The following QRICH2 variants were observed in gnomAD, a reference collection of about 807,000 sequenced individuals.
QRICH2 encodes the protein glutamine-rich protein 2.
A neutral mutation model predicts 168.3 loss-of-function variants in QRICH2; 119 were observed. The observed-to-expected ratio is 0.71, with a 90% CI of 0.61 to 0.82. The LOEUF (loss-of-function observed/expected upper bound fraction) is 0.82, where lower values mean the gene tolerates loss of function less well. Ranked by LOEUF, QRICH2 falls within the 40% of genes least tolerant of loss-of-function variation. The probability of loss-of-function intolerance (pLI) is 0.00; values close to 1 mark genes in which losing one functional copy is unlikely to be tolerated. For missense variants in QRICH2, 2,241 were observed against 2,491.6 expected (o/e 0.90, Z 2.14); for synonymous variants, 894 against 951.2 (o/e 0.94, Z 1.11).
rs1404981162 is a variant in QRICH2 at position 76,279,250 on chromosome 17, C to T, written c.4815-108G>A. On this transcript the variant is annotated intron_variant, in intron 13 of 18. Coordinates refer to ENST00000680821, the MANE Select transcript of QRICH2 (RefSeq NM_001388453.1). ...CACCCGCCCCCGGCCTGGAAGGGAG[C>T]GAGGGCTGGAAGCAGACACATGAAA... The T allele has an allele frequency of 2.1e-5, 28 of 1,329,452 alleles. No individual in the cohort carries two copies. In the Admixed American group the frequency reaches 2.9e-4, roughly 14 times the overall value. The allele number at this position is 1,329,452 out of a possible 1,614,324, so 82.4% of individuals were successfully genotyped here.
At chr17:76,285,317 A>G (rs2070862912) in intron 7 of QRICH2, among the ~76,000 whole-genome samples, 1 of 151,856 alleles carries the variant, frequency 6.6e-6, no homozygotes, top group Non-Finnish European at 1.5e-5. Flanking sequence ...TTTTTTTAGT[A>G]GAGACGGGGT....
intron 18 of QRICH2, among the ~76,000 whole-genome samples, chr17:76,274,885 A>C (rs2070645847): frequency 6.6e-6 from 1 of 152,196 alleles, no homozygotes; most frequent in Non-Finnish European, 1.5e-5. Context: ...CCTACCTCTA[A>C]GTGCTGGTAC....
At chr17:76,282,277 T>C (rs1002176225) in intron 7 of QRICH2, among the ~76,000 whole-genome samples, 162 bp from the exon 8 acceptor site, 1 of 152,242 alleles carries the variant, frequency 6.6e-6, no homozygotes, top group Non-Finnish European at 1.5e-5. Flanking sequence ...CATGGGCATC[T>C]ATCCAGTAAA....
chr17:76,285,125 C>CTGT (rs112068809), intron 7 of QRICH2, among the ~76,000 whole-genome samples: 16,293 of 147,732 alleles, frequency 0.11, 1,208 homozygotes, highest in African/African-American at 0.19. Flanking sequence ...CAGCTATTTT[C>CTGT]TGTTGTTGTT....
chr17:76,303,836 G>T (rs972929853), intron 3 of QRICH2, among the ~76,000 whole-genome samples: 2 of 133,442 alleles, frequency 1.5e-5, no homozygotes, highest in African/African-American at 5.9e-5. Context: ...TCGCGCCACT[G>T]CACTCCAGCC....
chr17:76,293,379 TG>T lies in QRICH2; in HGVS notation c.1347del (p.Arg450GlufsTer26). 6.2e-7 allele frequency: 1 copy of T among 1,614,248 alleles called. No homozygotes were observed. Among genetic ancestry groups the T allele is most frequent in the Non-Finnish European group, 8.5e-7 (1 of 1,180,050 alleles). The stretch of plus-strand genomic sequence containing the variant: ...GGTAGTTCCAATCCTTGCTGGTCTC[TG>T]CCAGGTACTGATGGTGGCAACATAC... ...EQRMLPPSVP[G>X]RDQQGLELPS... On this transcript the variant is annotated frameshift_variant, in exon 4 of 19. Transcript: ENST00000680821. LOFTEE classifies it high-confidence loss of function.
At position 76,281,863 on chromosome 17, in the gene QRICH2, C is replaced by T; in HGVS notation, c.4263+1G>A. On this transcript the variant is annotated splice_donor_variant, in intron 8 of 18. Coordinates refer to ENST00000680821, the MANE Select transcript of QRICH2 (RefSeq NM_001388453.1). LOFTEE classifies it high-confidence loss of function. The surrounding 1 kb of genome is among the most constrained non-coding windows in gnomAD (Gnocchi z 4.4). ...CAGGAGGGAGGCGAGCAGAGCCCCA[C>T]CTGTCTCTGGAGCTTGGCCTTCTTG... The T allele has an allele frequency of 6.2e-7, 1 of 1,612,474 alleles. No individual in the cohort carries two copies. The highest frequency in any genetic ancestry group is 8.5e-7 in the Non-Finnish European group (1 of 1,179,174).
chr17:76,278,064 C>T lies in QRICH2; in HGVS notation c.5042G>A (p.Gly1681Asp), dbSNP rs200636552. ...TATCTGGCTGCTGGCCTTGGTGGAG[C>T]CCCCGAAGTGGATCTGCACCTTCTC... is the stretch of plus-strand genomic sequence containing the variant. ...NIEKVQIHFG[G>D]STKASSQIIR... Residue 1681 changes from glycine (G) to aspartate (D), a missense_variant, in exon 15 of 19, where the codon GGC becomes GAC. Gly to Asp is a moderately conservative substitution (Grantham distance 94, BLOSUM62 -1). Transcript: ENST00000680821. 2.3e-5 allele frequency: 37 copies of T among 1,613,758 alleles called. No individual in the cohort carries two copies. In the African/African-American group the frequency reaches 4.4e-4, roughly 19 times the overall value.
Position 76,280,957 on chromosome 17 carries a change from C to T in QRICH2, c.4264-4G>A, listed in dbSNP as rs779282065. The stretch of plus-strand genomic sequence containing the variant: ...CACGGCCCAGCAGCTCCTCGTCCTG[C>T]GGCAGGAGGGATGGGAAGGCTCTCG... On this transcript the variant is annotated splice_region_variant and splice_polypyrimidine_tract_variant and intron_variant, in intron 8 of 18. Coordinates refer to ENST00000680821, the MANE Select transcript of QRICH2 (RefSeq NM_001388453.1). This position sits in a 1 kb window ranked among gnomAD's most constrained non-coding sequence, Gnocchi z 7.4. 10 of 1,607,794 alleles carry T rather than the reference C, an allele frequency of 6.2e-6. No individual in the cohort carries two copies. The highest frequency in any genetic ancestry group is 2.7e-5 in the African/African-American group (2 of 74,880).
At chr17:76,287,498 G>C (rs562572646) in intron 6 of QRICH2, among the ~76,000 whole-genome samples, 192 bp from the exon 7 acceptor site, 1 of 152,258 alleles carries the variant, frequency 6.6e-6, no homozygotes, top group Admixed American at 6.5e-5. Flanking sequence ...GGTAGGACTG[G>C]GCACTGCAAA....
chr17:76,290,905 G>C, intron 4 of QRICH2, 110 bp downstream of exon 4: 1 of 1,479,882 alleles, frequency 6.8e-7, no homozygotes, highest in Non-Finnish European at 9.1e-7. Context: ...CTGTTTTCAG[G>C]GACTCAGGGA....
chr17:76,297,668 G>A (rs2143350045), intron 3 of QRICH2, among the ~76,000 whole-genome samples: 1 of 152,278 alleles, frequency 6.6e-6, no homozygotes. Context: ...ACTGGCATAT[G>A]TGTTAGAATT....
At chr17:76,287,929 A>C in intron 5 of QRICH2, 32 bp from the exon 6 acceptor site, 1 of 1,554,866 alleles carries the variant, frequency 6.4e-7, no homozygotes, top group Non-Finnish European at 8.9e-7. Flanking sequence ...AGGGTCAGGC[A>C]GGCCTGAGCT....
At chr17:76,294,066 A>C in intron 3 of QRICH2, 45 bp from the exon 4 acceptor site, 1 of 1,537,460 alleles carries the variant, frequency 6.5e-7, no homozygotes, top group East Asian at 2.3e-5. Flanking sequence ...CAAAATATTC[A>C]CTATCAGAGT....
chr17:76,282,764 A>G (rs572154818), intron 7 of QRICH2, among the ~76,000 whole-genome samples: 3 of 152,318 alleles, frequency 2.0e-5, no homozygotes, highest in Admixed American at 2.0e-4. Flanking sequence ...ATCCAAGGGC[A>G]GCCGGTCCCT....
chr17:76,282,906 G>A (rs1391365596), intron 7 of QRICH2, among the ~76,000 whole-genome samples: 4 of 152,232 alleles, frequency 2.6e-5, no homozygotes, highest in Admixed American at 1.3e-4. Flanking sequence ...TGCAGAGCGC[G>A]AGGGAGAGCA....
intron 3 of QRICH2, 126 bp downstream of exon 3, chr17:76,304,289 A>G: frequency 1.6e-6 from 1 of 620,972 alleles, no homozygotes; most frequent in Admixed American, 2.8e-5. Flanking sequence ...AAGCATTTAA[A>G]ACACCCATAT....
At chr17:76,301,872 T>TTGTGTGTGTGTGTG (rs139933188) in intron 3 of QRICH2, among the ~76,000 whole-genome samples, 1 of 136,160 alleles carries the variant, frequency 7.3e-6, no homozygotes, top group Non-Finnish European at 1.6e-5. Context: ...CTGGCTAATT[T>TTGTGTGTGTGTGTG]TGTGTGTGTG....
intron 3 of QRICH2, among the ~76,000 whole-genome samples, chr17:76,297,883 T>TTTTTTTTTTG (rs1568123627): frequency 2.1e-5 from 3 of 140,808 alleles, no homozygotes; most frequent in African/African-American, 8.0e-5. Context: ...TTTTTTTTTT[T>TTTTTTTTTTG]TTTTTTTTTT....
Sources: gnomAD v4.1 joint callset for allele counts (sites outside exome capture counted in the v4.1 genomes callset) on GRCh38, gnomAD v4.1.1 for gene constraint, Gnocchi (gnomAD v3.1) non-coding constraint, MANE v1.5 for transcripts, NCBI Gene and HGNC (gene_info 2026-07-23, HGNC 2026-07-21) for gene names.